Variants in SH3KBP1 observed in about 807,000 individuals in gnomAD.
The protein encoded by SH3KBP1 is SH3 domain-containing kinase-binding protein 1.
In SH3KBP1, 8 loss-of-function variants were observed where a neutral mutation model predicts 50.1. The observed-to-expected ratio is 0.16, with a 90% CI of 0.09 to 0.29. SH3KBP1 has a LOEUF of 0.29. Ranked by LOEUF, SH3KBP1 falls within the 10% of genes least tolerant of loss-of-function variation. SH3KBP1 has a pLI of 1.00. For synonymous variants in SH3KBP1, 227 were observed against 218.6 expected (o/e 1.04, Z -0.34); for missense variants, 377 against 535.2 (o/e 0.70, Z 2.92).
At chrX:19,878,503 TGTGAGA>T (rs1323464240) in intron 1 of SH3KBP1, among the ~76,000 whole-genome samples, 45 of 78,871 alleles carry the variant, frequency 5.7e-4, no homozygotes, top group South Asian at 4.8e-3. Context: ...TGTGTGTGTG[TGTGAGA>T]GAGAGAGAGA....
At chrX:19,820,336 T>C (rs1347319932) in intron 2 of SH3KBP1, among the ~76,000 whole-genome samples, 2 of 111,852 alleles carry the variant, frequency 1.8e-5, no homozygotes, top group Non-Finnish European at 3.8e-5. Flanking sequence ...TGTGTACTTG[T>C]CTATTTTCTA....
At chrX:19,765,877 T>C (rs1264354436) in intron 2 of SH3KBP1, among the ~76,000 whole-genome samples, 2 of 112,177 alleles carry the variant, frequency 1.8e-5, no homozygotes, top group East Asian at 2.8e-4. Flanking sequence ...CATTGTAGCA[T>C]GTGTCAGAAT....
At chrX:19,694,821 G>T (rs192294898) in intron 5 of SH3KBP1, among the ~76,000 whole-genome samples, 1 of 111,728 alleles carries the variant, frequency 9.0e-6, no homozygotes, top group Non-Finnish European at 1.9e-5. Flanking sequence ...ATTTGGGCAG[G>T]ACTAAGCTGC....
At chrX:19,845,514 T>TA (rs924622138) in intron 1 of SH3KBP1, among the ~76,000 whole-genome samples, 10 of 109,839 alleles carry the variant, frequency 9.1e-5, no homozygotes. Context: ...CAAAACCTAG[T>TA]AAAAAATAAA....
intron 1 of SH3KBP1, among the ~76,000 whole-genome samples, chrX:19,856,089 G>C (rs1387720255): frequency 9.1e-6 from 1 of 110,200 alleles, no homozygotes; most frequent in African/African-American, 3.3e-5. Context: ...TGGGGAGACT[G>C]AGAGGTTTGC....
At chrX:19,687,527 T>A in intron 5 of SH3KBP1, 3 of 712,260 alleles carry the variant, frequency 4.2e-6, no homozygotes, top group Non-Finnish European at 4.5e-6. Flanking sequence ...GGCATAAGCA[T>A]GAGCAGCTCA....
intron 11 of SH3KBP1, among the ~76,000 whole-genome samples, chrX:19,591,709 G>A (rs1242807107): frequency 3.6e-5 from 4 of 112,185 alleles, no homozygotes; most frequent in Admixed American, 9.4e-5. Context: ...TGGGACACTA[G>A]GCATGAAGGA....
intron 12 of SH3KBP1, among the ~76,000 whole-genome samples, chrX:19,577,916 G>A (rs1385198370): frequency 9.0e-6 from 1 of 110,800 alleles, no homozygotes; most frequent in Non-Finnish European, 1.9e-5. Context: ...AGGTACGAGT[G>A]TTTGGGCTTC....
chrX:19,675,187 AT>A (rs1188216197), intron 6 of SH3KBP1, among the ~76,000 whole-genome samples: 6 of 111,613 alleles, frequency 5.4e-5, no homozygotes, highest in Non-Finnish European at 7.5e-5. Context: ...AACAATAATA[AT>A]AACTAACGTT....
intron 2 of SH3KBP1, among the ~76,000 whole-genome samples, chrX:19,794,496 G>A (rs1235625360): frequency 9.0e-6 from 1 of 110,891 alleles, no homozygotes; most frequent in Non-Finnish European, 1.9e-5. Flanking sequence ...GAGGTCAGGA[G>A]ATCGAGACCA....
At chrX:19,873,499 T>C (rs1307174551) in intron 1 of SH3KBP1, among the ~76,000 whole-genome samples, 1 of 102,841 alleles carries the variant, frequency 9.7e-6, no homozygotes, top group Admixed American at 1.1e-4. Flanking sequence ...GGTGAGACCC[T>C]GTCTCTACTA....
At chrX:19,546,312 G>A (rs2065083386) in intron 14 of SH3KBP1, among the ~76,000 whole-genome samples, 1 of 112,039 alleles carries the variant, frequency 8.9e-6, no homozygotes. Context: ...ATCCTTGCAA[G>A]CATCCATCGT....
intron 15 of SH3KBP1, 28 bp downstream of exon 15, chrX:19,545,894 G>A: frequency 8.3e-7 from 1 of 1,207,123 alleles, no homozygotes; most frequent in Non-Finnish European, 1.1e-6. Context: ...AAATGACAGG[G>A]ACACCCTCGC....
chrX:19,831,082 C>T (rs750301704), intron 2 of SH3KBP1, among the ~76,000 whole-genome samples: 31 of 112,014 alleles, frequency 2.8e-4, no homozygotes, highest in Non-Finnish European at 5.6e-5. Flanking sequence ...TGGAGGACCA[C>T]GCTCAAATGG....
intron 2 of SH3KBP1, among the ~76,000 whole-genome samples, chrX:19,834,273 G>T (rs1305600580): frequency 8.9e-6 from 1 of 111,773 alleles, no homozygotes; most frequent in African/African-American, 3.3e-5. Context: ...GGGCTCCTTT[G>T]GCGGGGGTCA....
rs1267305848 is a variant in SH3KBP1 at position 19,601,043 on chromosome X, G to C, written c.1006-6043C>G. On this transcript the variant is annotated intron_variant, in intron 9 of 17. Transcript: ENST00000397821. Reference sequence around the variant, plus strand: ...CCAACATGAATATAATGGTAACAAAGTCAATGAACCCACATTTTCTGATTT... The same window carrying C: ...CCAACATGAATATAATGGTAACAAACTCAATGAACCCACATTTTCTGATTT... 3.6e-5 allele frequency among the ~76,000 whole-genome samples: 4 copies of C among 111,130 alleles called. No homozygotes were observed. In the East Asian group the frequency reaches 1.1e-3, roughly 31 times the overall value.
intron 3 of SH3KBP1, among the ~76,000 whole-genome samples, chrX:19,721,810 C>T (rs191719636): frequency 2.9e-4 from 32 of 110,512 alleles, no homozygotes; most frequent in Non-Finnish European, 4.4e-4. Context: ...GCCTGAGCAA[C>T]GTGGCGAGAA....
At chrX:19,590,647 C>CT (rs767767612) in intron 11 of SH3KBP1, among the ~76,000 whole-genome samples, 287 of 96,221 alleles carry the variant, frequency 3.0e-3, no homozygotes, top group African/African-American at 6.6e-3. Context: ...ACATCACACA[C>CT]TTTTTTTTTT....
intron 6 of SH3KBP1, among the ~76,000 whole-genome samples, chrX:19,651,830 ACAGT>A (rs760163287): frequency 1.3e-4 from 14 of 111,913 alleles, no homozygotes; most frequent in South Asian, 3.7e-4. Flanking sequence ...CCTCATCTCT[ACAGT>A]CAGTCAGTCA....
Sources: allele counts gnomAD v4.1 joint callset (sites outside exome capture counted in the v4.1 genomes callset), GRCh38; gene constraint gnomAD v4.1.1; transcripts MANE v1.5; gene names NCBI Gene and HGNC (gene_info 2026-07-23, HGNC 2026-07-21).